Variants in PSMG2 observed in about 807,000 individuals in gnomAD.
PSMG2 encodes the protein proteasome assembly chaperone 2.
A neutral mutation model predicts 31.5 loss-of-function variants in PSMG2; 21 were observed. The ratio of observed to expected loss-of-function variants is 0.67; its 90% CI spans 0.47 to 0.96. The LOEUF is 0.96. Ranked by LOEUF, PSMG2 falls within the 40% of genes least tolerant of loss-of-function variation. PSMG2 has a pLI of 0.00. For synonymous variants in PSMG2, 120 were observed against 110.4 expected, an observed-to-expected ratio of 1.09 and a Z score of -0.54; for missense variants, 318 against 321.2, an observed-to-expected ratio of 0.99 and a Z score of 0.08.
chr18:12,702,981 G>A, upstream of PSMG2: 1 of 1,089,188 alleles, frequency 9.2e-7, no homozygotes, highest in Non-Finnish European at 1.3e-6. Flanking sequence ...TCAAGGGCCC[G>A]GCGCCCAGGG....
At chr18:12,703,611 A>G (rs1468196065) in intron 1 of PSMG2, among the ~76,000 whole-genome samples, 4 of 152,176 alleles carry the variant, frequency 2.6e-5, no homozygotes, top group African/African-American at 9.7e-5. Context: ...ATATTCATTC[A>G]TTGTTTTAAT....
intron 1 of PSMG2, among the ~76,000 whole-genome samples, chr18:12,666,257 G>C (rs2038800974): frequency 6.6e-6 from 1 of 151,992 alleles, no homozygotes; most frequent in South Asian, 2.1e-4. Context: ...GAGCCCAGGA[G>C]TTCTAGGTTA....
intron 1 of PSMG2, among the ~76,000 whole-genome samples, chr18:12,695,574 ACT>A (rs1268894678): frequency 4.0e-5 from 6 of 151,798 alleles, no homozygotes; most frequent in African/African-American, 1.2e-4. Flanking sequence ...GCTTTCTGAC[ACT>A]CTTTTTCTTC....
upstream of PSMG2, chr18:12,702,454 C>A: frequency 6.5e-7 from 1 of 1,542,088 alleles, no homozygotes. Flanking sequence ...TGGGTCGGCC[C>A]GGCGGTCTCT....
intron 1 of PSMG2, chr18:12,684,671 T>TG (rs1248447378): frequency 1.3e-5 from 2 of 151,804 alleles, no homozygotes; most frequent in Non-Finnish European, 2.9e-5. Context: ...TCAGTAGAGA[T>TG]GGAGTTTCTC....
chr18:12,678,218 G>A (rs896346924), intron 1 of PSMG2: 12 of 1,614,020 alleles, frequency 7.4e-6, no homozygotes, highest in Non-Finnish European at 1.0e-5. Flanking sequence ...AAGGGATGTT[G>A]TAGCTCCAGG....
At chr18:12,724,352 G>A in intron 5 of PSMG2, 147 bp from the exon 6 acceptor site, 1 of 783,332 alleles carries the variant, frequency 1.3e-6, no homozygotes, top group Non-Finnish European at 1.9e-6. Context: ...TCTGTGTGGG[G>A]CGAAGGGAGA....
chr18:12,699,152 T>C (rs1335445963), upstream of PSMG2: 4 of 1,614,088 alleles, frequency 2.5e-6, no homozygotes, highest in Non-Finnish European at 3.4e-6. Flanking sequence ...CAAGAAAGCT[T>C]TTCCACCCAA....
At chr18:12,661,334 G>A (rs2038692433) in intron 1 of PSMG2, 1 of 981,890 alleles carries the variant, frequency 1.0e-6, no homozygotes, top group Admixed American at 6.2e-5. Context: ...AAATTGATAA[G>A]CCTTACCGTC....
At chr18:12,699,748 T>A, upstream of PSMG2, 1 of 756,792 alleles carries the variant, frequency 1.3e-6, no homozygotes, top group Non-Finnish European at 2.0e-6. Context: ...AAAATGGAAA[T>A]GTCTTCTATC....
upstream of PSMG2, chr18:12,698,906 C>T: frequency 9.0e-7 from 1 of 1,105,752 alleles, no homozygotes; most frequent in Non-Finnish European, 1.3e-6. Context: ...CAGAAAAAGT[C>T]ATTATTATTG....
chr18:12,713,996 C>T (rs1443254632), intron 3 of PSMG2, among the ~76,000 whole-genome samples: 4 of 152,068 alleles, frequency 2.6e-5, no homozygotes, highest in African/African-American at 9.7e-5. Flanking sequence ...AGTGATCCAC[C>T]CACCTTGGCC....
chr18:12,703,478 C>T (rs1229935400), intron 1 of PSMG2, among the ~76,000 whole-genome samples: 1 of 152,214 alleles, frequency 6.6e-6, no homozygotes, highest in Non-Finnish European at 1.5e-5. Flanking sequence ...CCTAGAAAGT[C>T]TTTCTACGAC....
rs371389005 is a variant in PSMG2, at chr18:12,689,109, C to CACA, written c.-36-17430_-36-17428dup. 1.8e-3 allele frequency among the ~76,000 whole-genome samples: 275 copies of CACA among 152,186 alleles called. 1 individual carries two copies. Among genetic ancestry groups the CACA allele is most frequent in the African/African-American group, 6.3e-3 (263 of 41,510 alleles). On this transcript the variant is annotated intron_variant, in intron 1 of 6. Coordinates refer to the PSMG2 transcript ENST00000585331. Reference sequence around the variant, plus strand: ...ACCCTGGGTGACTGAGACTCTGTCTCACAACAACAACAAAAAAAAGTTCTT... The same window carrying CACA: ...ACCCTGGGTGACTGAGACTCTGTCTCACAACAACAACAACAAAAAAAAGTTCTT...
intron 1 of PSMG2, among the ~76,000 whole-genome samples, chr18:12,664,698 C>CT (rs76222169): frequency 0.023 from 3,132 of 137,600 alleles, 82 homozygotes; most frequent in African/African-American, 0.062. Flanking sequence ...TTGTCCTGAT[C>CT]TTTTTTTTTT....
chr18:12,691,439 C>T (rs1166948073), intron 1 of PSMG2: 3 of 1,609,010 alleles, frequency 1.9e-6, no homozygotes, highest in Non-Finnish European at 2.5e-6. Flanking sequence ...TTAGCATATA[C>T]AAGAAATAAT....
intron 1 of PSMG2, chr18:12,680,975 G>A (rs1176107181): frequency 4.7e-6 from 3 of 638,736 alleles, no homozygotes; most frequent in Non-Finnish European, 7.6e-6. Context: ...AAGGCGGGTG[G>A]ATCACATGAC....
intron 1 of PSMG2, among the ~76,000 whole-genome samples, chr18:12,690,928 A>G (rs932828819): frequency 6.8e-6 from 1 of 148,048 alleles, no homozygotes; most frequent in Non-Finnish European, 1.5e-5. Context: ...AAAAATATAT[A>G]TATGCCCAGA....
At chr18:12,670,886 A>C (rs2038925463) in intron 1 of PSMG2, 1 of 151,816 alleles carries the variant, frequency 6.6e-6, no homozygotes, top group African/African-American at 2.4e-5. Flanking sequence ...TGAACCCAAG[A>C]GATTCTCCTG....
Sources: allele counts gnomAD v4.1 joint callset (sites outside exome capture counted in the v4.1 genomes callset), GRCh38; gene constraint gnomAD v4.1.1; transcripts MANE v1.5; gene names NCBI Gene and HGNC (gene_info 2026-07-23, HGNC 2026-07-21).